The following SSPN variants were observed in gnomAD, a reference collection of about 807,000 sequenced individuals.
SSPN encodes the protein K-ras oncogene-associated protein.
A neutral mutation model predicts 19.1 loss-of-function variants in SSPN; 15 were observed. That is an observed-to-expected ratio of 0.78 (90% CI 0.52 to 1.21). SSPN has a LOEUF of 1.21. Ranked by LOEUF, SSPN falls within the 50% of genes most tolerant of loss-of-function variation. The pLI is 0.00. For synonymous variants in SSPN, 147 were observed against 140.3 expected (o/e 1.05, Z -0.34); for missense variants, 291 against 314.0 (o/e 0.93, Z 0.55).
chr12:26,187,795 A>G (rs1161055666), intron 1 of SSPN, among the ~76,000 whole-genome samples: 1 of 152,216 alleles, frequency 6.6e-6, no homozygotes, highest in African/African-American at 2.4e-5. Flanking sequence ...GAAAAATAAA[A>G]TGATATTGTG....
In SSPN at chr12:26,156,747, C is replaced by G. The variant is rs188277856; in HGVS notation, c.-31+34595C>G. On this transcript the variant is annotated intron_variant, in intron 1 of 2. Coordinates refer to the SSPN transcript ENST00000538142. The stretch of plus-strand genomic sequence containing the variant: ...AGAGAGCAGCTCAGGAAGACACACT[C>G]TGTAAAGGTGGTTGGCAGGAAGTAC... Among the ~76,000 whole-genome samples the G allele has an allele frequency of 2.0e-4, 30 of 152,284 alleles. No homozygotes were observed. The East Asian group carries it at 4.8e-3, about 25-fold the overall frequency.
At chr12:26,171,013 A>T (rs1944650639) in intron 1 of SSPN, among the ~76,000 whole-genome samples, 1 of 152,196 alleles carries the variant, frequency 6.6e-6, no homozygotes, top group South Asian at 2.1e-4. Flanking sequence ...GAGATTAAGT[A>T]AATTGGTCAA....
chr12:26,138,197 T>C (rs375631140), intron 1 of SSPN, among the ~76,000 whole-genome samples: 5 of 152,210 alleles, frequency 3.3e-5, no homozygotes, highest in Non-Finnish European at 7.3e-5. Flanking sequence ...TTTAAATTTG[T>C]ATTGTTATTT....
chr12:26,193,166 T>A (rs139653295), upstream of SSPN, among the ~76,000 whole-genome samples: 458 of 152,348 alleles, frequency 3.0e-3, 14 homozygotes, highest in Admixed American at 0.027. Flanking sequence ...ATGCTACCCA[T>A]GATAATTAAA....
At chr12:26,219,891 A>C (rs1029560711) in intron 1 of SSPN, among the ~76,000 whole-genome samples, 9 of 152,088 alleles carry the variant, frequency 5.9e-5, no homozygotes, top group African/African-American at 9.7e-5. Context: ...TGAAAACCTT[A>C]CATAACTCCC....
At chr12:26,217,560 C>A (rs1239947200) in intron 1 of SSPN, among the ~76,000 whole-genome samples, 3 of 106,324 alleles carry the variant, frequency 2.8e-5, no homozygotes, top group Non-Finnish European at 5.7e-5. Context: ...AATTGAATAC[C>A]CTTTATTTCC....
At chr12:26,226,478 G>T (rs546149506) in intron 2 of SSPN, among the ~76,000 whole-genome samples, 1 of 152,162 alleles carries the variant, frequency 6.6e-6, no homozygotes, top group East Asian at 1.9e-4. Flanking sequence ...CCTCCCTTTC[G>T]CTTAGAGAAA....
intron 2 of SSPN, 125 bp downstream of exon 2, chr12:26,224,504 C>A: frequency 2.5e-6 from 2 of 785,458 alleles, no homozygotes; most frequent in Non-Finnish European, 4.2e-6. Flanking sequence ...TTAGGCAGGC[C>A]AAAAAATGTT....
Position 26,228,989 on chromosome 12 carries a change from A to T in SSPN, c.367-1722A>T, listed in dbSNP as rs187699381. 9.5e-4 allele frequency among the ~76,000 whole-genome samples: 144 copies of T among 152,022 alleles called. 1 individual carries two copies. The highest frequency in any genetic ancestry group is 3.2e-3 in the African/African-American group (131 of 41,434). On this transcript the variant is annotated intron_variant, in intron 2 of 2. Transcript: ENST00000242729. ...AGCAAGACTCCATCTCTTAAAAAAA[A>T]TTTTTTTTATGATGGTACCACTTTG...
chr12:26,179,205 G>A (rs1440671072), intron 1 of SSPN, among the ~76,000 whole-genome samples: 1 of 152,186 alleles, frequency 6.6e-6, no homozygotes, highest in Non-Finnish European at 1.5e-5. Flanking sequence ...ACAGAGAACT[G>A]TGTGTTCAAA....
intron 1 of SSPN, among the ~76,000 whole-genome samples, chr12:26,131,112 G>A (rs915618254): frequency 1.3e-5 from 2 of 152,114 alleles, no homozygotes; most frequent in Non-Finnish European, 2.9e-5. Context: ...TTTCATCAGT[G>A]AGTCTCTTCC....
intron 1 of SSPN, among the ~76,000 whole-genome samples, chr12:26,138,822 G>A (rs1944443407): frequency 6.6e-6 from 1 of 151,858 alleles, no homozygotes; most frequent in African/African-American, 2.4e-5. Context: ...ATAAATTCAG[G>A]CCAATAAAGA....
At chr12:26,125,166 G>A (rs1015956967) in intron 1 of SSPN, 2 of 359,206 alleles carry the variant, frequency 5.6e-6, no homozygotes, top group Non-Finnish European at 1.1e-5. Flanking sequence ...GGGAGAAGGC[G>A]GCGAGAGAAG....
At chr12:26,134,656 A>G (rs532498650) in intron 1 of SSPN, among the ~76,000 whole-genome samples, 9 of 152,352 alleles carry the variant, frequency 5.9e-5, no homozygotes, top group African/African-American at 2.2e-4. Flanking sequence ...CAAGCCACAT[A>G]ACATTTGAAG....
Position 26,232,962 on chromosome 12 carries a change from AAC to A in SSPN, c.*1887_*1888del, listed in dbSNP as rs1945250370. 1 of 148,092 alleles carries A rather than the reference AAC, an allele frequency of 6.8e-6. No homozygotes were observed. Among genetic ancestry groups the A allele is most frequent in the South Asian group, 2.1e-4 (1 of 4,656 alleles). The allele number at this position is 148,092 out of a possible 1,614,324, so 9.2% of individuals were successfully genotyped here. On this transcript the variant is annotated 3_prime_UTR_variant, in exon 3 of 3. Coordinates refer to ENST00000242729, the MANE Select transcript of SSPN (RefSeq NM_005086.5). ...AAAAAAAAAAAAAAAAAAAGCCAGT[AAC>A]TGAATCCATTTTGATTTTTGGTTGA... is the stretch of plus-strand genomic sequence containing the variant.
rs1401990638 is a variant in SSPN, at chr12:26,174,064, AG to A, written c.-30-50226del. ...AAGCTTGCCTGGCTAAAAGCATCCC[AG>A]GGAGGAAATGGCCAGGGTTTCGTCA... On this transcript the variant is annotated intron_variant, in intron 1 of 2. Transcript: ENST00000538142. Among the ~76,000 whole-genome samples, 3 of 152,330 alleles carry A rather than the reference AG, an allele frequency of 2.0e-5. No homozygotes were observed. The East Asian group carries it at 5.8e-4, about 29-fold the overall frequency.
upstream of SSPN, among the ~76,000 whole-genome samples, chr12:26,191,245 G>T (rs1332826963): frequency 1.3e-5 from 2 of 152,002 alleles, no homozygotes; most frequent in Non-Finnish European, 2.9e-5. Flanking sequence ...AGAAAAATTT[G>T]GTATTATAAA....
Position 26,197,430 on chromosome 12 carries a change from C to T in SSPN, c.279+1479C>T, listed in dbSNP as rs568833604. 2.0e-4 allele frequency among the ~76,000 whole-genome samples: 31 copies of T among 152,288 alleles called. 1 individual carries two copies. The South Asian group carries it at 4.4e-3, about 21-fold the overall frequency. ...CTGGGTATTTCAGGCACCTCAATGACGATCCACATACCCAGGGGGAAAATA... is the reference window on the plus strand; with the variant it reads ...CTGGGTATTTCAGGCACCTCAATGATGATCCACATACCCAGGGGGAAAATA... On this transcript the variant is annotated intron_variant, in intron 1 of 2. Transcript: ENST00000242729.
Position 26,232,587 on chromosome 12 carries a change from C to T in SSPN, c.*1511C>T. 1 of 985,290 alleles carries T rather than the reference C, an allele frequency of 1.0e-6. No homozygotes were observed. The highest frequency in any genetic ancestry group is 1.2e-6 in the Non-Finnish European group (1 of 829,900). 61.0% of individuals were successfully genotyped at this position (985,290 alleles called of 1,614,324 possible). A position where few individuals can be genotyped will look rare whatever the true frequency, so the allele number is the denominator to read the frequency against. On this transcript the variant is annotated 3_prime_UTR_variant, in exon 3 of 3. Transcript: ENST00000242729. ...TTCTAACCTAAAAGGAAAACATTTT[C>T]CTGCTTGTCTTAGAAGAAAGTGGAA...
Sources: gnomAD v4.1 joint callset for allele counts (sites outside exome capture counted in the v4.1 genomes callset) on GRCh38, gnomAD v4.1.1 for gene constraint, MANE v1.5 for transcripts, NCBI Gene and HGNC (gene_info 2026-07-23, HGNC 2026-07-21) for gene names.